JPH3: variants seen among roughly 807,000 people sequenced by gnomAD.
JPH3 encodes the protein junctophilin-3.
Under a neutral mutation model 59.6 loss-of-function variants are expected in JPH3, and 11 were observed. The ratio of observed to expected loss-of-function variants is 0.18; its 90% CI spans 0.12 to 0.31. The LOEUF (loss-of-function observed/expected upper bound fraction) is 0.31. Ranked by LOEUF, JPH3 falls within the 10% of genes least tolerant of loss-of-function variation. JPH3 has a pLI of 1.00. For missense variants in JPH3, 1,202 were observed against 1,105.7 expected (o/e 1.09, Z -1.24); for synonymous variants, 673 against 483.6 (o/e 1.39, Z -5.14).
intron 1 of JPH3, among the ~76,000 whole-genome samples, chr16:87,643,033 C>T (rs1376982173): frequency 9.2e-5 from 14 of 152,214 alleles, no homozygotes; most frequent in East Asian, 1.9e-4. Flanking sequence ...AACTCTGTCC[C>T]TATTCAACAC....
chr16:87,634,701 A>T (rs1324470896), intron 1 of JPH3, among the ~76,000 whole-genome samples: 1 of 152,208 alleles, frequency 6.6e-6, no homozygotes, highest in Non-Finnish European at 1.5e-5. Context: ...TATAGGAGGC[A>T]GGTGAGGCGG....
At chr16:87,638,613 A>G (rs1232274308) in intron 1 of JPH3, among the ~76,000 whole-genome samples, 1 of 151,862 alleles carries the variant, frequency 6.6e-6, no homozygotes, top group Admixed American at 6.6e-5. Context: ...GGCTTGGTTC[A>G]TGGCAGGGCT....
At chr16:87,669,055 C>T (rs1416869022) in intron 2 of JPH3, among the ~76,000 whole-genome samples, 8 of 152,202 alleles carry the variant, frequency 5.3e-5, no homozygotes, top group African/African-American at 1.4e-4. Context: ...GTAAGGAAAT[C>T]GCCGCTGCAT....
intron 1 of JPH3, among the ~76,000 whole-genome samples, chr16:87,636,953 A>G (rs1472651822): frequency 1.3e-5 from 2 of 152,136 alleles, no homozygotes; most frequent in Non-Finnish European, 2.9e-5. Flanking sequence ...GCCTGGTTTC[A>G]GGTCCACACG....
intron 1 of JPH3, among the ~76,000 whole-genome samples, chr16:87,619,566 A>G (rs936404512): frequency 6.6e-6 from 1 of 152,210 alleles, no homozygotes; most frequent in African/African-American, 2.4e-5. Context: ...CAAAGCCAGG[A>G]TCTCAGTCTG....
Position 87,642,997 on chromosome 16 carries a change from A to G in JPH3, c.383-1261A>G, listed in dbSNP as rs574732240. The stretch of plus-strand genomic sequence containing the variant: ...GTAGCTGTCATCACTGTTTACCTCC[A>G]AGGCTTTCCCATCATCCTACTGCAA... On this transcript the variant is annotated intron_variant, in intron 1 of 4. Transcript: ENST00000284262. Among the ~76,000 whole-genome samples, 73 of 152,266 alleles carry G rather than the reference A, an allele frequency of 4.8e-4. 1 individual carries two copies. The highest frequency in any genetic ancestry group is 1.4e-3 in the Admixed American group (21 of 15,290).
At chr16:87,637,422 T>TTGTTTG (rs2031791572) in intron 1 of JPH3, among the ~76,000 whole-genome samples, 1 of 147,502 alleles carries the variant, frequency 6.8e-6, no homozygotes, top group South Asian at 2.2e-4. Context: ...GTGTGTGTGT[T>TTGTTTG]TGTGTGTGTG....
At chr16:87,691,558 T>TCCCTGC (rs1445080932) in intron 4 of JPH3, among the ~76,000 whole-genome samples, 19 of 152,024 alleles carry the variant, frequency 1.2e-4, no homozygotes, top group African/African-American at 4.3e-4. Context: ...TCGGTGTCTG[T>TCCCTGC]CCCTGCCCCT....
chr16:87,655,270 C>T (rs191409564), intron 2 of JPH3, among the ~76,000 whole-genome samples: 110 of 152,348 alleles, frequency 7.2e-4, no homozygotes, highest in African/African-American at 2.4e-3. Flanking sequence ...GGCCTCCCTG[C>T]GTGGCCACCA....
chr16:87,674,618 C>T (rs771374778), intron 2 of JPH3, among the ~76,000 whole-genome samples: 8 of 152,218 alleles, frequency 5.3e-5, no homozygotes, highest in South Asian at 2.1e-4. Flanking sequence ...GGAGAGGAAG[C>T]GAAAGAGAAC....
intron 1 of JPH3, among the ~76,000 whole-genome samples, chr16:87,618,130 C>T (rs1597238400): frequency 6.6e-6 from 1 of 152,072 alleles, no homozygotes; most frequent in African/African-American, 2.4e-5. Context: ...GGCCACTGCA[C>T]TCTAGCCTGG....
chr16:87,629,172 C>T (rs188370357), intron 1 of JPH3, among the ~76,000 whole-genome samples: 3 of 152,158 alleles, frequency 2.0e-5, no homozygotes, highest in African/African-American at 7.2e-5. Flanking sequence ...ATGCCTGCTG[C>T]TGTCTCGGTA....
intron 1 of JPH3, among the ~76,000 whole-genome samples, chr16:87,640,961 C>T (rs1451244141): frequency 6.6e-6 from 1 of 152,202 alleles, no homozygotes; most frequent in East Asian, 1.9e-4. Flanking sequence ...CCCCTGAGAC[C>T]CACCGAGCCT....
intron 2 of JPH3, among the ~76,000 whole-genome samples, chr16:87,663,445 G>C (rs577279763): frequency 1.1e-4 from 17 of 152,318 alleles, no homozygotes; most frequent in African/African-American, 4.1e-4. Context: ...AGTCGGTTTT[G>C]CTACAAAGCT....
intron 1 of JPH3, among the ~76,000 whole-genome samples, chr16:87,643,627 G>C (rs372482420): frequency 1.8e-4 from 27 of 152,286 alleles, no homozygotes; most frequent in African/African-American, 6.5e-4. Context: ...GTTTCCTTGT[G>C]CCCTTGGCAG....
rs60196379 is a variant in JPH3, at chr16:87,663,115, C to CTTTTTTTTTTTTTT, written c.1160+18091_1160+18092insTTTTTTTTTTTTTT. Among the ~76,000 whole-genome samples, 103 of 143,396 alleles carry CTTTTTTTTTTTTTT rather than the reference C, an allele frequency of 7.2e-4. 2 individuals are homozygous for CTTTTTTTTTTTTTT. The highest frequency in any genetic ancestry group is 1.3e-3 in the African/African-American group (49 of 37,838). 94.1% of individuals were successfully genotyped at this position (143,396 alleles called of 152,430 possible). A position where few individuals can be genotyped will look rare whatever the true frequency, so the allele number is the denominator to read the frequency against. On this transcript the variant is annotated intron_variant, in intron 2 of 4. Coordinates refer to ENST00000284262, the MANE Select transcript of JPH3 (RefSeq NM_020655.4). ...GTATTGTTTCAAGGTTAATTTCTTT[C>CTTTTTTTTTTTTTT]TTTTTTTTTTTGAGATGGAGTCGCG...
At chr16:87,670,309 C>T (rs1027238417) in intron 2 of JPH3, among the ~76,000 whole-genome samples, 1 of 152,206 alleles carries the variant, frequency 6.6e-6, no homozygotes, top group African/African-American at 2.4e-5. Context: ...CATCCTGTCA[C>T]CAGGGTCCTG....
intron 1 of JPH3, among the ~76,000 whole-genome samples, chr16:87,609,047 A>G (rs2030633763): frequency 6.6e-6 from 1 of 152,120 alleles, no homozygotes; most frequent in African/African-American, 2.4e-5. Context: ...AAAGAAAAAG[A>G]AGAAGTGTGC....
intron 2 of JPH3, among the ~76,000 whole-genome samples, chr16:87,673,317 TA>T (rs11447723): frequency 6.8e-6 from 1 of 147,894 alleles, no homozygotes; most frequent in African/African-American, 2.5e-5. Context: ...GGGAGAGATT[TA>T]AAAAAAAAAA....
Sources: allele counts gnomAD v4.1 joint callset (sites outside exome capture counted in the v4.1 genomes callset), GRCh38; gene constraint gnomAD v4.1.1; transcripts MANE v1.5; gene names NCBI Gene and HGNC (gene_info 2026-07-23, HGNC 2026-07-21).